The following TTF1 variants were observed in gnomAD, a reference collection of about 807,000 sequenced individuals.
The protein encoded by TTF1 is transcription termination factor, RNA polymerase I.
A neutral mutation model predicts 80.2 loss-of-function variants in TTF1; 64 were observed. The ratio of observed to expected loss-of-function variants is 0.80; its 90% confidence interval spans 0.65 to 0.98. The LOEUF (loss-of-function observed/expected upper bound fraction) is 0.98. TTF1 is among the 50% of genes least tolerant of loss of function. TTF1 has a pLI of 0.00. For missense variants in TTF1, 1,023 were observed against 1,086.2 expected, an observed-to-expected ratio of 0.94 and a Z score of 0.82; for synonymous variants, 372 against 382.7, an observed-to-expected ratio of 0.97 and a Z score of 0.33.
intron 10 of TTF1, among the ~76,000 whole-genome samples, chr9:132,378,217 GGT>G (rs146418873): frequency 2.2e-4 from 24 of 111,310 alleles, no homozygotes; most frequent in South Asian, 1.8e-3. Flanking sequence ...GAATGCATGT[GGT>G]GTGTGAGTGC....
At chr9:132,378,387 G>A (rs1849287723) in intron 10 of TTF1, among the ~76,000 whole-genome samples, 1 of 96,218 alleles carries the variant, frequency 1.0e-5, no homozygotes, top group Non-Finnish European at 2.1e-5. Context: ...GTGTGTGTGA[G>A]TGCATGCATG....
At chr9:132,377,612 G>A (rs1368123659) in intron 10 of TTF1, among the ~76,000 whole-genome samples, 1 of 122,912 alleles carries the variant, frequency 8.1e-6, no homozygotes, top group Admixed American at 8.4e-5. Flanking sequence ...GTGTGTGAAT[G>A]CATGTGGTGT....
At chr9:132,403,371 CCT>C (rs1849804064) in intron 1 of TTF1, among the ~76,000 whole-genome samples, 3 of 152,206 alleles carry the variant, frequency 2.0e-5, no homozygotes, top group East Asian at 3.9e-4. Context: ...CCATAAGGCC[CCT>C]GTCCCCCACA....
At chr9:132,398,928 T>C (rs1849706258) in intron 3 of TTF1, among the ~76,000 whole-genome samples, 1 of 152,096 alleles carries the variant, frequency 6.6e-6, no homozygotes, top group Non-Finnish European at 1.5e-5. Context: ...CAAGGCACAG[T>C]GGCTTATGCA....
chr9:132,394,253 C>T (rs893098295), intron 5 of TTF1, among the ~76,000 whole-genome samples: 2 of 151,596 alleles, frequency 1.3e-5, no homozygotes, highest in African/African-American at 2.4e-5. Context: ...GTAAATGCAG[C>T]GTATGGTGAA....
chr9:132,376,045 C>T lies in TTF1; in HGVS notation c.2588G>A (p.Arg863Gln), dbSNP rs765914721. The change falls in exon 11 of 11, where the codon CGA becomes CAA. Residue 863 changes from arginine to glutamine, a missense_variant. Transcript: ENST00000334270. ...ATCGTCTTCATAATAAAAGATGTCT[C>T]GAAATGGGAAAACTTGCTTGGGTGC... ...PAAPKQVFPF[R>Q]DIFYYEDDSE... 3.1e-6 allele frequency: 5 copies of T among 1,614,170 alleles called. No homozygotes were observed. The highest frequency in any genetic ancestry group is 2.2e-5 in the East Asian group (1 of 44,886).
rs1849542187 is a variant in TTF1, at chr9:132,390,609, C to T, written c.2210G>A (p.Cys737Tyr). 2 of 1,614,150 alleles carry T rather than the reference C, an allele frequency of 1.2e-6. No individual in the cohort carries two copies. Among genetic ancestry groups the T allele is most frequent in the South Asian group, 1.1e-5 (1 of 91,084 alleles). ...AKVQTRNWMQ[C>Y]KSKWTEILTK... ...GGGAAGAACTTACCACTTACTTTTA[C>T]ACTGCATCCAATTTCTGGTTTGCAC... Residue 737 changes from cysteine (C) to tyrosine (Y), a missense_variant, in exon 7 of 11, where the codon TGT becomes TAT. Coordinates refer to ENST00000334270, the MANE Select transcript of TTF1 (RefSeq NM_007344.4).
At position 132,402,721 on chromosome 9, in the gene TTF1, T is replaced by G; in HGVS notation, c.101A>C (p.His34Pro). ...IHKERPQKHSHEIFRDSSLVN... is the reference protein window; with the variant it reads ...IHKERPQKHSPEIFRDSSLVN... Reference sequence around the variant, plus strand: ...CAGGGAGGAGTCTCTGAAAATTTCGTGGGAATGTTTCTGAGGTCTTTCCTT... The same window carrying G: ...CAGGGAGGAGTCTCTGAAAATTTCGGGGGAATGTTTCTGAGGTCTTTCCTT... Residue 34 changes from histidine (H) to proline (P), a missense_variant, in exon 2 of 11, where the codon CAC (histidine) becomes CCC (proline). By Grantham distance (77) the His-to-Pro change is moderately conservative. Transcript: ENST00000334270. The G allele has an allele frequency of 6.2e-7, 1 of 1,614,128 alleles. No homozygotes were observed. The highest frequency in any genetic ancestry group is 8.5e-7 in the Non-Finnish European group (1 of 1,180,028).
At chr9:132,386,967 CT>C (rs147294953) in intron 8 of TTF1, among the ~76,000 whole-genome samples, 1 of 152,016 alleles carries the variant, frequency 6.6e-6, no homozygotes, top group East Asian at 1.9e-4. Context: ...CTGTGAAGGT[CT>C]TTTTTTTGAT....
chr9:132,404,935 G>A lies in TTF1; in HGVS notation c.-8+1855C>T, dbSNP rs1296060208. On this transcript the variant is annotated intron_variant, in intron 1 of 10. Coordinates refer to ENST00000334270, the MANE Select transcript of TTF1 (RefSeq NM_007344.4). ...GAGTCTTGCTCTGTCGCCCAGGCTG[G>A]AGTGCAGTGGCGTGATCTCAGCTCA... Among the ~76,000 whole-genome samples, 3 of 151,964 alleles carry A rather than the reference G, an allele frequency of 2.0e-5. No homozygotes were observed. The East Asian group carries it at 5.8e-4, about 29-fold the overall frequency.
chr9:132,398,916 G>C (rs1161806791), intron 3 of TTF1, among the ~76,000 whole-genome samples: 1 of 152,074 alleles, frequency 6.6e-6, no homozygotes, highest in Non-Finnish European at 1.5e-5. Context: ...ATATCTTATG[G>C]GCAAGGCACA....
intron 5 of TTF1, among the ~76,000 whole-genome samples, chr9:132,394,212 A>G (rs933414115): frequency 1.7e-4 from 26 of 151,492 alleles, no homozygotes; most frequent in African/African-American, 5.8e-4. Flanking sequence ...AAAACAAACA[A>G]TAACATCGGA....
At chr9:132,383,605 CT>C (rs1849409450) in intron 9 of TTF1, among the ~76,000 whole-genome samples, 2 of 152,096 alleles carry the variant, frequency 1.3e-5, no homozygotes, top group Admixed American at 1.3e-4. Flanking sequence ...ACTTGTTTAG[CT>C]TTTTGAAGCC....
rs754009556 is a variant in TTF1, at chr9:132,401,471, C to T, written c.1351G>A (p.Val451Met). The T allele has an allele frequency of 2.5e-5, 41 of 1,610,756 alleles. No individual in the cohort carries two copies. The highest frequency in any genetic ancestry group is 3.3e-4 in the Middle Eastern group (2 of 6,064). ...CCTCGTTACCTTGGCGCCTCTTGCACGTGCTTGCTTGCCAAACAGGCCTGG... is the reference window on the plus strand; with the variant it reads ...CCTCGTTACCTTGGCGCCTCTTGCATGTGCTTGCTTGCCAAACAGGCCTGG... ...KTQACLASKHVQEAPRLEPAN... is the reference protein window; with the variant it reads ...KTQACLASKHMQEAPRLEPAN... The change falls in exon 2 of 11, where the codon GTG becomes ATG. Residue 451 changes from valine to methionine, a missense_variant. Coordinates refer to ENST00000334270, the MANE Select transcript of TTF1 (RefSeq NM_007344.4).
At chr9:132,402,968 G>A (rs991866992) in intron 1 of TTF1, 140 bp from the exon 2 acceptor site, 8 of 815,532 alleles carry the variant, frequency 9.8e-6, no homozygotes, top group African/African-American at 1.7e-5. Context: ...CCATTTTCCC[G>A]CCTCAGCCTC....
chr9:132,380,808 C>G (rs1165889626), intron 9 of TTF1, among the ~76,000 whole-genome samples: 2 of 152,098 alleles, frequency 1.3e-5, no homozygotes, highest in African/African-American at 2.4e-5. Flanking sequence ...TGACTAGATG[C>G]CATAATCTCT....
chr9:132,383,751 C>T (rs544399256), intron 9 of TTF1, among the ~76,000 whole-genome samples: 2 of 152,330 alleles, frequency 1.3e-5, no homozygotes, highest in African/African-American at 4.8e-5. Context: ...ACACACATTG[C>T]AGCTTTCCTG....
chr9:132,377,130 G>A (rs1219235326), intron 10 of TTF1, among the ~76,000 whole-genome samples: 2 of 152,064 alleles, frequency 1.3e-5, no homozygotes, highest in Non-Finnish European at 2.9e-5. Context: ...GTGTGTACAT[G>A]CATGTGGTGT....
At chr9:132,395,619 T>C (rs920371710) in intron 5 of TTF1, among the ~76,000 whole-genome samples, 3 of 152,220 alleles carry the variant, frequency 2.0e-5, no homozygotes, top group Admixed American at 2.0e-4. Flanking sequence ...GGCTGATTTA[T>C]TTCTGTAAAA....
Sources: allele counts gnomAD v4.1 joint callset (sites outside exome capture counted in the v4.1 genomes callset), GRCh38; gene constraint gnomAD v4.1.1; transcripts MANE v1.5; gene names NCBI Gene and HGNC (gene_info 2026-07-23, HGNC 2026-07-21).